Variants in ATAD5 observed in about 807,000 individuals in gnomAD.
The protein encoded by ATAD5 is ATPase family AAA domain containing 5.
A neutral mutation model predicts 176.9 loss-of-function variants in ATAD5; 58 were observed. The observed-to-expected ratio is 0.33, with a 90% CI of 0.27 to 0.41. ATAD5 has a LOEUF of 0.41. ATAD5 is among the 10% of genes least tolerant of loss of function. The probability of loss-of-function intolerance (pLI) is 1.00; values close to 1 mark genes in which losing one functional copy is unlikely to be tolerated. For missense variants in ATAD5, 1,789 were observed against 2,094.1 expected, an observed-to-expected ratio of 0.85 and a Z score of 2.84; for synonymous variants, 640 against 712.6, an observed-to-expected ratio of 0.90 and a Z score of 1.62.
rs188987365 is a variant in ATAD5 at position 30,841,641 on chromosome 17, A to G, written c.2241+860A>G. Reference sequence around the variant, plus strand: ...TTTTCTTCTTGGTTGTCACCCCCCAATCCCCTCATTCCACCAGCCATAGCT... The same window carrying G: ...TTTTCTTCTTGGTTGTCACCCCCCAGTCCCCTCATTCCACCAGCCATAGCT... On this transcript the variant is annotated intron_variant, in intron 4 of 22. Coordinates refer to ENST00000321990, the MANE Select transcript of ATAD5 (RefSeq NM_024857.5). Among the ~76,000 whole-genome samples, 497 of 152,158 alleles carry G rather than the reference A, an allele frequency of 3.3e-3. 2 individuals carry two copies. The highest frequency in any genetic ancestry group is 0.012 in the African/African-American group (479 of 41,536).
In ATAD5 at chr17:30,834,237, G is replaced by A. The variant is rs1357378772; in HGVS notation, c.156G>A (p.Arg52=). 6.2e-7 allele frequency: 1 copy of A among 1,612,992 alleles called. No homozygotes were observed. The highest frequency in any genetic ancestry group is 2.2e-5 in the East Asian group (1 of 44,810). The change falls in exon 2 of 23, where the codon AGG becomes AGA. Residue 52 remains arginine (R), a synonymous_variant. Transcript: ENST00000321990. ...CACCACTAGGGAAGACTAGAGACAG[G>A]GTTTTTGCTCCACCAAAACCTAGTA... is the stretch of plus-strand genomic sequence containing the variant. The part of the protein sequence containing the change: ...YLSPLGKTRD[R]VFAPPKPSNI...
chr17:30,877,009 G>A (rs982635480), intron 15 of ATAD5, among the ~76,000 whole-genome samples: 4 of 150,484 alleles, frequency 2.7e-5, no homozygotes, highest in Non-Finnish European at 5.9e-5. Flanking sequence ...GAGCCACCAC[G>A]CCCAGCTTGT....
At chr17:30,838,447 A>G (rs1272719110) in intron 3 of ATAD5, among the ~76,000 whole-genome samples, 1 of 152,226 alleles carries the variant, frequency 6.6e-6, no homozygotes, top group African/African-American at 2.4e-5. Flanking sequence ...AATATTATTT[A>G]ACCCTTTTTT....
intron 12 of ATAD5, 97 bp downstream of exon 12, chr17:30,868,509 A>ATTTTTTTTTTTTTTTT (rs745465090): frequency 2.2e-6 from 1 of 456,104 alleles, no homozygotes; most frequent in Non-Finnish European, 3.0e-6. Context: ...TTTTTTTTTA[A>ATTTTTTTTTTTTTTTT]TTTTTTTTTT....
Position 30,894,051 on chromosome 17 carries a change from C to A in ATAD5, c.5198C>A (p.Ser1733Tyr). The A allele has an allele frequency of 4.3e-6, 7 of 1,612,028 alleles. No homozygotes were observed. Among genetic ancestry groups the A allele is most frequent in the Non-Finnish European group, 5.9e-6 (7 of 1,178,462 alleles). The part of the protein sequence containing the change: ...AISKALETLN[S>Y]CKKLGRDPTN... ...TCAAAAGCATTGGAAACCTTGAATT[C>A]TTGCAAGAAATTAGGAAGAGATCCA... The change falls in exon 21 of 23, where the codon TCT (serine) becomes TAT (tyrosine). Residue 1733 changes from serine to tyrosine, a missense_variant. Physicochemically the swap from Ser to Tyr is moderately radical, Grantham distance 144. This residue lies in a region of ATAD5 where 403 missense variants were observed against 495.1 expected (regional missense o/e 0.81). Transcript: ENST00000321990.
At chr17:30,881,997 C>A (rs1909048396) in intron 18 of ATAD5, among the ~76,000 whole-genome samples, 1 of 151,970 alleles carries the variant, frequency 6.6e-6, no homozygotes, top group East Asian at 1.9e-4. Context: ...CAGTGGCTCA[C>A]GCCTGTAATC....
At position 30,844,893 on chromosome 17, in the gene ATAD5, T is replaced by C; in HGVS notation, c.2427T>C (p.Pro809=). 1.3e-6 allele frequency: 2 copies of C among 1,584,216 alleles called. No homozygotes were observed. Among genetic ancestry groups the C allele is most frequent in the Non-Finnish European group, 1.7e-6 (2 of 1,172,796 alleles). The change falls in exon 6 of 23, where the codon CCT becomes CCC. Residue 809 remains proline (P), a synonymous_variant. Coordinates refer to ENST00000321990, the MANE Select transcript of ATAD5 (RefSeq NM_024857.5). ...GAAAAGCACAAAAAGCAGCTGATCC[T>C]GTCCCTAGTTTTGATGAAAGCAGGT... is the stretch of plus-strand genomic sequence containing the variant. ...LVRKAQKAAD[P]VPSFDESSQD...
intron 19 of ATAD5, among the ~76,000 whole-genome samples, chr17:30,892,341 CT>C (rs1180445930): frequency 6.6e-6 from 1 of 151,066 alleles, no homozygotes; most frequent in African/African-American, 2.4e-5. Context: ...AGGAAAATCG[CT>C]TGAACCCAGG....
chr17:30,887,291 A>G lies in ATAD5; in HGVS notation c.4177A>G (p.Ile1393Val), dbSNP rs768492538. 2 of 1,607,780 alleles carry G rather than the reference A, an allele frequency of 1.2e-6. No individual in the cohort carries two copies. The highest frequency in any genetic ancestry group is 1.7e-6 in the Non-Finnish European group (2 of 1,177,254). The change falls in exon 19 of 23, where the codon ATC (isoleucine) becomes GTC (valine). Residue 1393 changes from isoleucine (I) to valine (V), a missense_variant. By Grantham distance (29) the Ile-to-Val change is conservative. Coordinates refer to ENST00000321990, the MANE Select transcript of ATAD5 (RefSeq NM_024857.5). ...VTLLTANTCDIRKSILYLQFW... is the reference protein window; with the variant it reads ...VTLLTANTCDVRKSILYLQFW... The stretch of plus-strand genomic sequence containing the variant: ...CTTGTTAACTGCAAATACTTGTGAT[A>G]TCAGAAAAAGTATCCTTTACTTACA...
intron 6 of ATAD5, among the ~76,000 whole-genome samples, chr17:30,846,685 G>A (rs1906526031): frequency 1.3e-5 from 2 of 151,368 alleles, no homozygotes; most frequent in Non-Finnish European, 2.9e-5. Context: ...ATAGGCGTGA[G>A]CCACCGTGTC....
At chr17:30,865,582 G>C in intron 10 of ATAD5, 122 bp from the exon 11 acceptor site, 2 of 542,706 alleles carry the variant, frequency 3.7e-6, no homozygotes, top group Non-Finnish European at 6.1e-6. Context: ...CTGGCATTTT[G>C]TAAATATAAA....
chr17:30,851,656 C>T (rs1567684222), intron 6 of ATAD5, among the ~76,000 whole-genome samples: 1 of 152,068 alleles, frequency 6.6e-6, no homozygotes. Flanking sequence ...TATCTTGGCT[C>T]ACTGCATCCT....
At chr17:30,844,981 T>C (rs1323341166) in intron 6 of ATAD5, 65 bp downstream of exon 6, 18 of 1,332,672 alleles carry the variant, frequency 1.4e-5, no homozygotes, top group Non-Finnish European at 1.0e-6. Flanking sequence ...TTGATGTGTT[T>C]ACTTTGATGA....
intron 2 of ATAD5, among the ~76,000 whole-genome samples, chr17:30,836,677 C>T (rs1044912314): frequency 3.9e-5 from 6 of 152,074 alleles, no homozygotes; most frequent in South Asian, 2.1e-4. Flanking sequence ...AAGTGATTCT[C>T]GTGCCTCAGC....
intron 18 of ATAD5, 57 bp downstream of exon 18, chr17:30,879,544 T>A: frequency 6.7e-7 from 1 of 1,488,096 alleles, no homozygotes; most frequent in Non-Finnish European, 9.1e-7. Flanking sequence ...TAAAAGTAGT[T>A]TATTATTAAA....
chr17:30,888,473 G>A (rs550810491), intron 19 of ATAD5, among the ~76,000 whole-genome samples: 1 of 152,084 alleles, frequency 6.6e-6, no homozygotes, highest in African/African-American at 2.4e-5. Context: ...GAATCTGGGA[G>A]ATCGAGGCTG....
Position 30,835,582 on chromosome 17 carries a change from CAAAAG to C in ATAD5, c.1505_1509del (p.Lys502ArgfsTer14), listed in dbSNP as rs771049231. 3 of 1,611,662 alleles carry C rather than the reference CAAAAG, an allele frequency of 1.9e-6. No individual in the cohort carries two copies. The highest frequency in any genetic ancestry group is 2.5e-6 in the Non-Finnish European group (3 of 1,178,664). ...AGGCAAAAACAGAGAGGGAAACACTCAAAAGAAAGAAACAACCTTTTTCTTAAAAG... is the reference window on the plus strand; with the variant it reads ...AGGCAAAAACAGAGAGGGAAACACTCAAAGAAACAACCTTTTTCTTAAAAG... On this transcript the variant is annotated frameshift_variant, in exon 2 of 23. Transcript: ENST00000321990. LOFTEE classifies it high-confidence loss of function.
chr17:30,870,818 GTTGCT>G (rs1908293183), intron 14 of ATAD5, among the ~76,000 whole-genome samples: 1 of 151,774 alleles, frequency 6.6e-6, no homozygotes. Context: ...TTATTTCTTT[GTTGCT>G]TTGGAGATTT....
rs186467385 is a variant in ATAD5 at position 30,863,489 on chromosome 17, C to A, written c.3137-2215C>A. On this transcript the variant is annotated intron_variant, in intron 10 of 22. Coordinates refer to ENST00000321990, the MANE Select transcript of ATAD5 (RefSeq NM_024857.5). The stretch of plus-strand genomic sequence containing the variant: ...TCGTACCATCCTCCTGCCTCAGCTT[C>A]CTGAGTAGCTGGGACTACAGGTACA... 9.6e-4 allele frequency among the ~76,000 whole-genome samples: 145 copies of A among 151,818 alleles called. 2 individuals are homozygous for A. In the East Asian group the frequency reaches 0.023, roughly 24 times the overall value.
Sources: gnomAD v4.1 joint callset for allele counts (sites outside exome capture counted in the v4.1 genomes callset) on GRCh38, gnomAD v4.1.1 for gene constraint, gnomAD v4.1.1 regional missense constraint, MANE v1.5 for transcripts, NCBI Gene and HGNC (gene_info 2026-07-23, HGNC 2026-07-21) for gene names.